The following LRP1B variants were observed in gnomAD, a reference collection of about 807,000 sequenced individuals.
The protein encoded by LRP1B is low-density lipoprotein receptor-related protein 1B.
Under a neutral mutation model 556.6 loss-of-function variants are expected in LRP1B, and 217 were observed. The observed-to-expected ratio is 0.39, with a 90% CI of 0.35 to 0.44. The LOEUF is 0.44. Ranked by LOEUF, LRP1B falls within the 20% of genes least tolerant of loss-of-function variation. The pLI, the probability that LRP1B is intolerant of heterozygous loss-of-function variation, is 1.00. For synonymous variants in LRP1B, 2,047 were observed against 1,865.8 expected (o/e 1.10, Z -2.50); for missense variants, 5,053 against 5,620.8 (o/e 0.90, Z 3.23).
At chr2:141,996,716 C>CG (rs984015599) in intron 1 of LRP1B, among the ~76,000 whole-genome samples, 1 of 146,850 alleles carries the variant, frequency 6.8e-6, no homozygotes, top group Non-Finnish European at 1.5e-5. Flanking sequence ...TTTTCTTTCC[C>CG]CCCCCCTACA....
intron 2 of LRP1B, among the ~76,000 whole-genome samples, chr2:141,735,679 C>CT (rs1693438222): frequency 6.6e-6 from 1 of 152,128 alleles, no homozygotes; most frequent in African/African-American, 2.4e-5. Flanking sequence ...TGAGGTAGAA[C>CT]TTTTTTCTCT....
At chr2:142,001,342 G>C (rs764556752) in intron 1 of LRP1B, among the ~76,000 whole-genome samples, 42 of 152,240 alleles carry the variant, frequency 2.8e-4, no homozygotes, top group Non-Finnish European at 5.3e-4. Context: ...CTGGTTGTTA[G>C]CAATTCTCTA....
chr2:141,211,509 A>G (rs1012634684), intron 6 of LRP1B, among the ~76,000 whole-genome samples: 11 of 151,834 alleles, frequency 7.2e-5, no homozygotes, highest in African/African-American at 2.7e-4. Context: ...AATCCCAGCT[A>G]CTTGGGAGGC....
At chr2:141,098,485 T>C (rs1700375824) in intron 7 of LRP1B, among the ~76,000 whole-genome samples, 1 of 152,210 alleles carries the variant, frequency 6.6e-6, no homozygotes, top group African/African-American at 2.4e-5. Context: ...AGAATACCCT[T>C]AGCACCACTG....
At chr2:140,935,126 G>C (rs1695165837) in intron 20 of LRP1B, among the ~76,000 whole-genome samples, 1 of 152,050 alleles carries the variant, frequency 6.6e-6, no homozygotes, top group African/African-American at 2.4e-5. Context: ...GGCATGCAAA[G>C]AAGAGTATAT....
At chr2:141,957,384 G>GT (rs748572128) in intron 1 of LRP1B, among the ~76,000 whole-genome samples, 5,120 of 39,584 alleles carry the variant, frequency 0.13, 241 homozygotes, top group East Asian at 0.28. Context: ...TTGTGTGTGT[G>GT]GGGGGGGGGG....
chr2:141,561,993 T>G (rs1335051475), intron 2 of LRP1B, among the ~76,000 whole-genome samples: 1 of 151,928 alleles, frequency 6.6e-6, no homozygotes, highest in Non-Finnish European at 1.5e-5. Flanking sequence ...CTGTCAACTT[T>G]GCAACAAGGG....
Position 140,776,118 on chromosome 2 carries a change from T to C in LRP1B, c.5480A>G (p.Tyr1827Cys), listed in dbSNP as rs541399000. 6.4e-7 allele frequency: 1 copy of C among 1,566,202 alleles called. No individual in the cohort carries two copies. Among genetic ancestry groups the C allele is most frequent in the South Asian group, 1.2e-5 (1 of 84,264 alleles). ...TTTACCTTGCTGTGCTTCTTTATCA[T>C]AGACTTTCATATGAACTACCCCAGA... ...KTSGVVHMKV[Y>C]DKEAQQGSNS... Residue 1827 changes from tyrosine (Y) to cysteine (C), a missense_variant, in exon 33 of 91, where the codon TAT becomes TGT. Physicochemically the swap from Tyr to Cys is radical, Grantham distance 194. Transcript: ENST00000389484.
At chr2:141,285,222 T>C (rs573859041) in intron 3 of LRP1B, among the ~76,000 whole-genome samples, 266 of 139,318 alleles carry the variant, frequency 1.9e-3, no homozygotes, top group African/African-American at 6.6e-3. Context: ...CTCAGCCTCT[T>C]GAGTAGGTGG....
chr2:142,050,415 T>G (rs1704414901), intron 1 of LRP1B, among the ~76,000 whole-genome samples: 1 of 152,124 alleles, frequency 6.6e-6, no homozygotes, highest in Admixed American at 6.6e-5. Flanking sequence ...TAGGAAAACA[T>G]TGTTTTGACA....
chr2:141,705,541 C>T (rs1024274097), intron 2 of LRP1B, among the ~76,000 whole-genome samples: 1 of 152,000 alleles, frequency 6.6e-6, no homozygotes, highest in African/African-American at 2.4e-5. Context: ...ACACATTGTG[C>T]TAATGCTAGT....
rs200700328 is a variant in LRP1B, at chr2:141,634,688, G to T, written c.206-154155C>A. On this transcript the variant is annotated intron_variant, in intron 2 of 90. Coordinates refer to ENST00000389484, the MANE Select transcript of LRP1B (RefSeq NM_018557.3). ...TAGTTATCATATAACATATACAAAA[G>T]AGGTATATAGCTAATATTTTTTATA... Among the ~76,000 whole-genome samples, 4 of 151,896 alleles carry T rather than the reference G, an allele frequency of 2.6e-5. No homozygotes were observed. The East Asian group carries it at 7.7e-4, about 29-fold the overall frequency.
chr2:141,768,326 T>A (rs1574338804), intron 2 of LRP1B, among the ~76,000 whole-genome samples: 1 of 151,998 alleles, frequency 6.6e-6, no homozygotes, highest in African/African-American at 2.4e-5. Flanking sequence ...TTTTCGTTCT[T>A]GAGCCTTTTT....
At chr2:140,842,682 C>T (rs1166425329) in intron 29 of LRP1B, among the ~76,000 whole-genome samples, 2 of 151,980 alleles carry the variant, frequency 1.3e-5, no homozygotes, top group African/African-American at 4.8e-5. Flanking sequence ...ATTTATTTCC[C>T]TCACTCAGAA....
chr2:141,778,946 G>T (rs930412531), intron 2 of LRP1B, among the ~76,000 whole-genome samples: 1 of 152,166 alleles, frequency 6.6e-6, no homozygotes, highest in African/African-American at 2.4e-5. Context: ...GGGTGGACAG[G>T]TAGGGAAAAA....
intron 7 of LRP1B, among the ~76,000 whole-genome samples, chr2:141,135,464 C>T (rs1413778645): frequency 6.6e-6 from 1 of 151,850 alleles, no homozygotes; most frequent in Admixed American, 6.6e-5. Context: ...TCAACAAAAC[C>T]AACACATATT....
chr2:141,063,856 G>A (rs1224281807), intron 7 of LRP1B, among the ~76,000 whole-genome samples: 3 of 151,836 alleles, frequency 2.0e-5, no homozygotes, highest in Non-Finnish European at 1.5e-5. Context: ...AAGAGGAGTT[G>A]GTGTGCAGGT....
intron 3 of LRP1B, among the ~76,000 whole-genome samples, chr2:141,254,953 G>A (rs1053436312): frequency 6.6e-6 from 1 of 151,970 alleles, no homozygotes; most frequent in East Asian, 1.9e-4. Context: ...GGTTGATTTT[G>A]CCATCTATGT....
At chr2:140,666,184 G>A (rs986550246) in intron 41 of LRP1B, among the ~76,000 whole-genome samples, 8 of 151,582 alleles carry the variant, frequency 5.3e-5, no homozygotes, top group Admixed American at 1.3e-4. Flanking sequence ...TAGTAGAGGC[G>A]GGGCTTCACC....
Sources: gnomAD v4.1 joint callset for allele counts (sites outside exome capture counted in the v4.1 genomes callset) on GRCh38, gnomAD v4.1.1 for gene constraint, MANE v1.5 for transcripts, NCBI Gene and HGNC (gene_info 2026-07-23, HGNC 2026-07-21) for gene names.